Variants in REDIC1 observed in about 807,000 individuals in gnomAD.
The protein encoded by REDIC1 is HEI10 Interacting Protein 1.
the REDIC1 span, among the ~76,000 whole-genome samples, chr12:39,776,100 T>G: frequency 6.6e-6 from 1 of 152,218 alleles, no homozygotes; most frequent in African/African-American, 2.4e-5. Flanking sequence ...TTCTTCCATA[T>G]TGCTGTTCCC....
the REDIC1 span, among the ~76,000 whole-genome samples, chr12:39,699,782 A>T: frequency 6.6e-6 from 1 of 152,042 alleles, no homozygotes; most frequent in Admixed American, 6.6e-5. Flanking sequence ...TGGGTCCCTG[A>T]CCCCTGACCC....
the REDIC1 span, among the ~76,000 whole-genome samples, chr12:39,708,233 T>G: frequency 2.0e-5 from 3 of 151,968 alleles, no homozygotes; most frequent in Non-Finnish European, 4.4e-5. Flanking sequence ...CATGTGATTA[T>G]TATACATTGT....
chr12:39,681,285 A>G, the REDIC1 span, among the ~76,000 whole-genome samples: 1 of 152,116 alleles, frequency 6.6e-6, no homozygotes, highest in Admixed American at 6.5e-5. Flanking sequence ...ACACACACAA[A>G]AAAGATTGAT....
At chr12:39,767,577 C>T in the REDIC1 span, among the ~76,000 whole-genome samples, 1 of 152,040 alleles carries the variant, frequency 6.6e-6, no homozygotes, top group Non-Finnish European at 1.5e-5. Flanking sequence ...CTATGAGAGT[C>T]CTGGATGGTA....
At chr12:39,683,092 AGTACATCTTTT>A in the REDIC1 span, 141 of 1,611,492 alleles carry the variant, frequency 8.7e-5, no homozygotes, top group Non-Finnish European at 1.0e-4. Flanking sequence ...AAATGATCTT[AGTACATCTTTT>A]GAGAACGATT....
chr12:39,714,167 G>GTA, the REDIC1 span, among the ~76,000 whole-genome samples: 204 of 139,558 alleles, frequency 1.5e-3, 1 homozygote, highest in African/African-American at 2.0e-3. Context: ...GCATATATGC[G>GTA]TATATGTATA....
the REDIC1 span, chr12:39,716,692 G>A: frequency 7.7e-6 from 9 of 1,173,288 alleles, no homozygotes; most frequent in South Asian, 1.2e-4. Context: ...TCTTCTGCCT[G>A]GCATATGTAT....
chr12:39,707,146 T>C, the REDIC1 span, among the ~76,000 whole-genome samples: 1 of 151,064 alleles, frequency 6.6e-6, no homozygotes, highest in African/African-American at 2.4e-5. Context: ...GTATAAGGAG[T>C]TCAAACAACT....
At chr12:39,825,687 T>C in the REDIC1 span, among the ~76,000 whole-genome samples, 7 of 152,148 alleles carry the variant, frequency 4.6e-5, no homozygotes, top group Non-Finnish European at 1.0e-4. Flanking sequence ...TTATTCTAAA[T>C]ATTGTTTGTG....
the REDIC1 span, among the ~76,000 whole-genome samples, chr12:39,797,740 A>ACATACGCACACACACACACATACG: frequency 7.6e-6 from 1 of 131,370 alleles, no homozygotes. Context: ...ACACACACAC[A>ACATACGCACACACACACACATACG]CACACACACA....
the REDIC1 span, among the ~76,000 whole-genome samples, chr12:39,900,921 C>T: frequency 6.6e-6 from 1 of 152,178 alleles, no homozygotes; most frequent in Non-Finnish European, 1.5e-5. Flanking sequence ...AGGCATCACG[C>T]TACCTGACTT....
the REDIC1 span, among the ~76,000 whole-genome samples, chr12:39,833,999 C>A: frequency 6.6e-6 from 1 of 151,788 alleles, no homozygotes; most frequent in Non-Finnish European, 1.5e-5. Flanking sequence ...CAAGAAGAAT[C>A]TGAACAAACA....
chr12:39,707,755 G>GT, the REDIC1 span, among the ~76,000 whole-genome samples: 84 of 151,834 alleles, frequency 5.5e-4, no homozygotes, highest in African/African-American at 1.9e-3. Context: ...TTTTTAAAAA[G>GT]TTTTTTTCTG....
At chr12:39,875,691 T>C in the REDIC1 span, among the ~76,000 whole-genome samples, 1 of 152,228 alleles carries the variant, frequency 6.6e-6, no homozygotes, top group Non-Finnish European at 1.5e-5. Flanking sequence ...TACATTCTCT[T>C]TCACAGGGCA....
At chr12:39,629,461 A>T in the REDIC1 span, among the ~76,000 whole-genome samples, 4 of 152,232 alleles carry the variant, frequency 2.6e-5, no homozygotes, top group Non-Finnish European at 5.9e-5. Context: ...GTTTAATTGC[A>T]GAATCATTTG....
At chr12:39,818,807 G>A in the REDIC1 span, among the ~76,000 whole-genome samples, 5 of 152,070 alleles carry the variant, frequency 3.3e-5, no homozygotes, top group Non-Finnish European at 2.9e-5. Flanking sequence ...ATGTAGAAAA[G>A]TTTCTACATA....
the REDIC1 span, among the ~76,000 whole-genome samples, chr12:39,694,863 G>C: frequency 6.6e-6 from 1 of 152,146 alleles, no homozygotes; most frequent in South Asian, 2.1e-4. Context: ...GAGGAGAGGA[G>C]AAGGAATAGT....
the REDIC1 span, among the ~76,000 whole-genome samples, chr12:39,712,324 AT>A: frequency 2.7e-4 from 2 of 7,326 alleles, 1 homozygote; most frequent in African/African-American, 4.5e-4. Context: ...GTATATATAC[AT>A]ATGTTTATAT....
the REDIC1 span, chr12:39,720,916 A>G: frequency 6.8e-6 from 11 of 1,613,570 alleles, no homozygotes; most frequent in Non-Finnish European, 8.5e-6. Context: ...CAGGATTGTT[A>G]AAAACGATGA....
Sources: allele counts gnomAD v4.1 joint callset (sites outside exome capture counted in the v4.1 genomes callset), GRCh38; gene constraint gnomAD v4.1.1; transcripts MANE v1.5; gene names NCBI Gene and HGNC (gene_info 2026-07-23, HGNC 2026-07-21).